Variants in PACRG observed in about 807,000 individuals in gnomAD.
PACRG encodes parkin coregulated gene protein.
Under a neutral mutation model 29.7 loss-of-function variants are expected in PACRG, and 29 were observed. The observed-to-expected ratio is 0.98, with a 90% CI of 0.73 to 1.33. PACRG has a LOEUF of 1.33. PACRG is among the 40% of genes most tolerant of loss of function. The pLI, the probability that PACRG is intolerant of heterozygous loss-of-function variation, is 0.00. For missense variants in PACRG, 279 were observed against 316.2 expected, an observed-to-expected ratio of 0.88 and a Z score of 0.89; for synonymous variants, 116 against 118.7, an observed-to-expected ratio of 0.98 and a Z score of 0.15.
chr6:162,918,939 T>A (rs1267441102), intron 2 of PACRG, among the ~76,000 whole-genome samples: 1 of 152,088 alleles, frequency 6.6e-6, no homozygotes, highest in Admixed American at 6.6e-5. Context: ...ATAAAAATAT[T>A]GTAGTGATTG....
intron 2 of PACRG, chr6:163,051,575 T>G (rs936093603): frequency 1.3e-5 from 2 of 152,158 alleles, no homozygotes; most frequent in African/African-American, 2.4e-5. Flanking sequence ...TCTTTCTGTT[T>G]CCACAGACAG....
chr6:163,281,733 T>C (rs1183475023), intron 4 of PACRG, among the ~76,000 whole-genome samples: 5 of 152,182 alleles, frequency 3.3e-5, no homozygotes, highest in Admixed American at 1.3e-4. Flanking sequence ...AGTAATAATA[T>C]ATAATTGAAA....
Position 162,896,567 on chromosome 6 carries a change from G to A in PACRG, c.291+82286G>A, listed in dbSNP as rs954938757. Among the ~76,000 whole-genome samples, 7 of 152,276 alleles carry A rather than the reference G, an allele frequency of 4.6e-5. No individual in the cohort carries two copies. In the East Asian group the frequency reaches 1.4e-3, roughly 29 times the overall value. ...TGTGTAAGAATTATAAAATGTATAGGCTACCTGGGAAAACTATGATAGGAA... is the reference window on the plus strand; with the variant it reads ...TGTGTAAGAATTATAAAATGTATAGACTACCTGGGAAAACTATGATAGGAA... On this transcript the variant is annotated intron_variant, in intron 2 of 4. Coordinates refer to ENST00000366888, the MANE Select transcript of PACRG (RefSeq NM_001080379.2).
At chr6:163,190,877 T>A (rs1228117966) in intron 4 of PACRG, 1 of 450,826 alleles carries the variant, frequency 2.2e-6, no homozygotes, top group Non-Finnish European at 4.4e-6. Flanking sequence ...TTGCTGATGA[T>A]GTCCTGACAA....
chr6:162,854,287 C>T (rs1453631917), intron 2 of PACRG, among the ~76,000 whole-genome samples: 1 of 151,318 alleles, frequency 6.6e-6, no homozygotes, highest in East Asian at 1.9e-4. Context: ...TGTCAAAGCA[C>T]ACATTTTTTA....
At chr6:163,190,466 C>G (rs958490440) in intron 4 of PACRG, 1 of 152,262 alleles carries the variant, frequency 6.6e-6, no homozygotes, top group Non-Finnish European at 1.5e-5. Flanking sequence ...CCCCGATGCA[C>G]GGAGGAAATT....
intron 4 of PACRG, chr6:163,183,178 G>A (rs1040536591): frequency 2.1e-4 from 32 of 152,224 alleles, no homozygotes; most frequent in African/African-American, 7.5e-4. Flanking sequence ...CCGTGAGTAG[G>A]AGCCACTGGC....
chr6:163,075,710 A>G (rs1437017060), intron 3 of PACRG, among the ~76,000 whole-genome samples: 1 of 152,224 alleles, frequency 6.6e-6, no homozygotes, highest in Non-Finnish European at 1.5e-5. Context: ...TGTATTTAAA[A>G]CAAACTGAGA....
chr6:162,789,318 C>G (rs1047760025), intron 1 of PACRG, among the ~76,000 whole-genome samples: 1 of 152,108 alleles, frequency 6.6e-6, no homozygotes, highest in South Asian at 2.1e-4. Flanking sequence ...TTCTATCAAA[C>G]AGTTGTGAGT....
chr6:162,868,563 G>A (rs1792509287), intron 2 of PACRG, among the ~76,000 whole-genome samples: 1 of 152,154 alleles, frequency 6.6e-6, no homozygotes, highest in African/African-American at 2.4e-5. Context: ...TGCCTGGAGA[G>A]GACCCCTTGC....
chr6:163,014,104 G>C (rs1012464110), intron 2 of PACRG, among the ~76,000 whole-genome samples: 1 of 152,174 alleles, frequency 6.6e-6, no homozygotes, highest in Admixed American at 6.5e-5. Flanking sequence ...AGAATATGCA[G>C]TGTTTAGTTT....
chr6:162,952,353 T>C (rs1053619366), intron 2 of PACRG, among the ~76,000 whole-genome samples: 3 of 152,218 alleles, frequency 2.0e-5, no homozygotes, highest in African/African-American at 7.2e-5. Context: ...TTGTTGTATA[T>C]AGATTACTAA....
intron 3 of PACRG, among the ~76,000 whole-genome samples, chr6:163,072,362 G>A (rs865952137): frequency 1.3e-5 from 2 of 152,062 alleles, no homozygotes; most frequent in African/African-American, 2.4e-5. Context: ...AAAAGCCTAT[G>A]ATCCTTTCAA....
intron 4 of PACRG, among the ~76,000 whole-genome samples, chr6:163,177,516 C>A (rs529184679): frequency 6.6e-6 from 1 of 151,910 alleles, no homozygotes; most frequent in Non-Finnish European, 1.5e-5. Flanking sequence ...AAATAAAAGA[C>A]CAAGCGTGAA....
At chr6:163,139,524 G>A (rs1817070903) in intron 4 of PACRG, among the ~76,000 whole-genome samples, 1 of 152,094 alleles carries the variant, frequency 6.6e-6, no homozygotes, top group African/African-American at 2.4e-5. Flanking sequence ...TGTTTCACAG[G>A]GTTGCCTGAG....
chr6:162,814,461 A>G lies in PACRG; in HGVS notation c.291+180A>G, dbSNP rs1233506816. 6.3e-6 allele frequency: 4 copies of G among 632,010 alleles called. No homozygotes were observed. In the African/African-American group the frequency reaches 7.5e-5, roughly 12 times the overall value. The allele number at this position is 632,010 out of a possible 1,614,324, so 39.2% of individuals were successfully genotyped here. A position where few individuals can be genotyped will look rare whatever the true frequency, so the allele number is the denominator to read the frequency against. ...AGCCATCCACCTTGACTAACAATTA[A>G]ATTATAGCCTGCAAAGAAGAAAATG... On this transcript the variant is annotated intron_variant, in intron 2 of 4. Coordinates refer to ENST00000366888, the MANE Select transcript of PACRG (RefSeq NM_001080379.2).
rs1301716002 is a variant in PACRG at position 162,792,835 on chromosome 6, G to A, written c.157-21312G>A. ...GGTTTTAGCAGTTGATGAGGTGGCA[G>A]AGATGATTTCAGAAAAGGAGATGTG... On this transcript the variant is annotated intron_variant, in intron 1 of 4. Transcript: ENST00000366888. 4.6e-5 allele frequency among the ~76,000 whole-genome samples: 7 copies of A among 152,334 alleles called. No individual in the cohort carries two copies. The South Asian group carries it at 1.5e-3, about 32-fold the overall frequency.
At chr6:162,824,752 A>G (rs1458620063) in intron 2 of PACRG, among the ~76,000 whole-genome samples, 3 of 152,218 alleles carry the variant, frequency 2.0e-5, no homozygotes, top group Non-Finnish European at 4.4e-5. Context: ...GAGCTCTGTA[A>G]CCTGCATAAT....
chr6:163,161,234 A>G (rs1046651334), intron 4 of PACRG, among the ~76,000 whole-genome samples: 1 of 151,820 alleles, frequency 6.6e-6, no homozygotes, highest in Non-Finnish European at 1.5e-5. Flanking sequence ...CTTTGTCATT[A>G]CTCCAGAGGT....
Sources: gnomAD v4.1 joint callset for allele counts (sites outside exome capture counted in the v4.1 genomes callset) on GRCh38, gnomAD v4.1.1 for gene constraint, MANE v1.5 for transcripts, NCBI Gene and HGNC (gene_info 2026-07-23, HGNC 2026-07-21) for gene names.